The following PPP3CA variants were observed in gnomAD, a reference collection of about 807,000 sequenced individuals.
PPP3CA encodes protein phosphatase 3 catalytic subunit alpha.
PPP3CA carries 14 observed loss-of-function variants against 66.5 expected under a neutral mutation model. The observed-to-expected ratio is 0.21, with a 90% CI of 0.14 to 0.33. The LOEUF is 0.33. Among genes scored for constraint, PPP3CA ranks in the 10% least tolerant of loss-of-function variants. PPP3CA has a pLI of 1.00. For missense variants in PPP3CA, 317 were observed against 639.5 expected, an observed-to-expected ratio of 0.50 and a Z score of 5.44; for synonymous variants, 232 against 226.2, an observed-to-expected ratio of 1.03 and a Z score of -0.23.
rs142890950 is a variant in PPP3CA, at chr4:101,333,135, C to G, written c.58+13604G>C. Among the ~76,000 whole-genome samples, 642 of 138,014 alleles carry G rather than the reference C, an allele frequency of 4.7e-3. 4 individuals are homozygous for G. The highest frequency in any genetic ancestry group is 0.016 in the African/African-American group (609 of 36,912). 90.5% of individuals were successfully genotyped at this position (138,014 alleles called of 152,430 possible). A position where few individuals can be genotyped will look rare whatever the true frequency, so the allele number is the denominator to read the frequency against. On this transcript the variant is annotated intron_variant, in intron 1 of 13. Transcript: ENST00000394854. ...TTTTTTTTTTTTTGAGGCAGAGTCT[C>G]ATACTGTTACCCAGGATGGAATGTA...
chr4:101,340,964 A>G (rs1729794678), intron 1 of PPP3CA, among the ~76,000 whole-genome samples: 2 of 152,172 alleles, frequency 1.3e-5, no homozygotes, highest in Admixed American at 6.5e-5. Context: ...TTCTGTGTAT[A>G]TATTTACCTG....
intron 2 of PPP3CA, among the ~76,000 whole-genome samples, chr4:101,136,675 A>T (rs1384132877): frequency 6.6e-6 from 1 of 151,812 alleles, no homozygotes; most frequent in Non-Finnish European, 1.5e-5. Context: ...AGAAAATATA[A>T]CAGGCTTCAT....
intron 1 of PPP3CA, among the ~76,000 whole-genome samples, chr4:101,264,805 G>C (rs1172024304): frequency 1.3e-5 from 2 of 152,156 alleles, no homozygotes; most frequent in Admixed American, 6.6e-5. Flanking sequence ...AGTAAACATA[G>C]CATGTATGAG....
At chr4:101,321,206 C>A (rs905387696) in intron 1 of PPP3CA, among the ~76,000 whole-genome samples, 5 of 152,218 alleles carry the variant, frequency 3.3e-5, no homozygotes, top group African/African-American at 1.2e-4. Flanking sequence ...TGCTTATAAA[C>A]AAACTCAAGG....
At chr4:101,109,969 GGTAGGGTCACT>G (rs1432851671) in intron 2 of PPP3CA, among the ~76,000 whole-genome samples, 1 of 152,078 alleles carries the variant, frequency 6.6e-6, no homozygotes, top group East Asian at 1.9e-4. Flanking sequence ...TATGTGGCTT[GGTAGGGTCACT>G]CCTAAAAATA....
At chr4:101,328,580 A>T (rs1411502732) in intron 1 of PPP3CA, among the ~76,000 whole-genome samples, 1 of 152,200 alleles carries the variant, frequency 6.6e-6, no homozygotes, top group Non-Finnish European at 1.5e-5. Flanking sequence ...GAATACAGGC[A>T]TACCTCACTT....
intron 2 of PPP3CA, among the ~76,000 whole-genome samples, chr4:101,189,803 G>T (rs913523142): frequency 2.6e-5 from 4 of 151,020 alleles, no homozygotes; most frequent in African/African-American, 9.8e-5. Context: ...TGTCACCATA[G>T]TGTCATACAC....
chr4:101,103,775 T>C (rs905077904), intron 3 of PPP3CA, among the ~76,000 whole-genome samples: 11 of 152,202 alleles, frequency 7.2e-5, no homozygotes, highest in Non-Finnish European at 1.3e-4. Context: ...GAAACAGCTG[T>C]GCATGCCTCT....
chr4:101,223,458 C>T (rs1578568650), intron 1 of PPP3CA, among the ~76,000 whole-genome samples: 1 of 151,704 alleles, frequency 6.6e-6, no homozygotes, highest in East Asian at 1.9e-4. Context: ...ATCATCATTC[C>T]ACTTACCAAG....
intron 1 of PPP3CA, among the ~76,000 whole-genome samples, chr4:101,311,064 G>A (rs1238215414): frequency 6.6e-6 from 1 of 152,098 alleles, no homozygotes; most frequent in African/African-American, 2.4e-5. Context: ...TCACAGAAAA[G>A]AAATAGTGAA....
chr4:101,157,473 G>A (rs1364148581), intron 2 of PPP3CA, among the ~76,000 whole-genome samples: 2 of 152,132 alleles, frequency 1.3e-5, no homozygotes, highest in Non-Finnish European at 2.9e-5. Flanking sequence ...GAAAGGGGAC[G>A]AGGAAAAGAA....
chr4:101,044,935 C>A (rs2110213800), intron 10 of PPP3CA, among the ~76,000 whole-genome samples: 1 of 152,314 alleles, frequency 6.6e-6, no homozygotes, highest in Middle Eastern at 3.4e-3. Context: ...TGGAAAAAGG[C>A]ATTTGCACCA....
intron 2 of PPP3CA, among the ~76,000 whole-genome samples, chr4:101,132,197 A>G (rs1722465689): frequency 6.6e-6 from 1 of 152,220 alleles, no homozygotes; most frequent in African/African-American, 2.4e-5. Flanking sequence ...AAAGAGCTAG[A>G]GAAGCAAGAG....
chr4:101,308,041 C>G (rs888004758), intron 1 of PPP3CA, among the ~76,000 whole-genome samples: 1 of 152,150 alleles, frequency 6.6e-6, no homozygotes, highest in African/African-American at 2.4e-5. Context: ...TTACATATTA[C>G]ATTTTTTAGC....
At chr4:101,197,045 CATGATGGTTCAT>C (rs1724816938) in intron 1 of PPP3CA, among the ~76,000 whole-genome samples, 1 of 152,206 alleles carries the variant, frequency 6.6e-6, no homozygotes, top group East Asian at 1.9e-4. Context: ...CTCTGTTTCA[CATGATGGTTCAT>C]TCACTGGACA....
chr4:101,137,737 C>G (rs1438804754), intron 2 of PPP3CA, among the ~76,000 whole-genome samples: 2 of 152,120 alleles, frequency 1.3e-5, no homozygotes, highest in African/African-American at 4.8e-5. Flanking sequence ...TTAGTTTTAA[C>G]TAGCCAATGC....
At position 101,346,729 on chromosome 4, in the gene PPP3CA, C is replaced by T; in HGVS notation, c.58+10G>A. On this transcript the variant is annotated intron_variant, in intron 1 of 13. Coordinates refer to ENST00000394854, the MANE Select transcript of PPP3CA (RefSeq NM_000944.5). ...ACGGTGCACCCAGGCCACCGCGGCG[C>T]TCCGCTTACCTTTCACCACCCTGTC... 2 of 1,609,802 alleles carry T rather than the reference C, an allele frequency of 1.2e-6. No individual in the cohort carries two copies. The highest frequency in any genetic ancestry group is 8.5e-7 in the Non-Finnish European group (1 of 1,178,484).
intron 2 of PPP3CA, among the ~76,000 whole-genome samples, chr4:101,191,694 C>G (rs1011384998): frequency 6.6e-6 from 1 of 152,188 alleles, no homozygotes; most frequent in African/African-American, 2.4e-5. Context: ...AGATTCCTAT[C>G]CCTGCTTAAC....
chr4:101,232,131 T>A (rs1202369854), intron 1 of PPP3CA, among the ~76,000 whole-genome samples: 1 of 151,780 alleles, frequency 6.6e-6, no homozygotes, highest in Non-Finnish European at 1.5e-5. Context: ...CATCAGCCTT[T>A]GCTCTTTAAA....
Sources: gnomAD v4.1 joint callset for allele counts (sites outside exome capture counted in the v4.1 genomes callset) on GRCh38, gnomAD v4.1.1 for gene constraint, MANE v1.5 for transcripts, NCBI Gene and HGNC (gene_info 2026-07-23, HGNC 2026-07-21) for gene names.